KALRN: variants seen among roughly 807,000 people sequenced by gnomAD.
KALRN encodes the protein kalirin RhoGEF kinase.
KALRN carries 70 observed loss-of-function variants against 353.7 expected under a neutral mutation model. The ratio of observed to expected loss-of-function variants is 0.20; its 90% confidence interval spans 0.16 to 0.24. The LOEUF is 0.24. KALRN is among the 10% of genes least tolerant of loss of function. The pLI is 1.00. For missense variants in KALRN, 2,791 were observed against 3,756.7 expected (o/e 0.74, Z 6.72); for synonymous variants, 1,391 against 1,434.8 (o/e 0.97, Z 0.69).
At chr3:124,377,017 G>T (rs1418409898) in intron 10 of KALRN, among the ~76,000 whole-genome samples, 1 of 152,152 alleles carries the variant, frequency 6.6e-6, no homozygotes, top group Non-Finnish European at 1.5e-5. Context: ...TAATAAAGAA[G>T]CAGAAGAGCT....
chr3:124,141,744 G>A (rs1337912276), intron 1 of KALRN, among the ~76,000 whole-genome samples: 1 of 152,216 alleles, frequency 6.6e-6, no homozygotes, highest in Non-Finnish European at 1.5e-5. Context: ...GTCACAGCCT[G>A]TCTTTGCCCC....
intron 5 of KALRN, among the ~76,000 whole-genome samples, chr3:124,284,592 T>C (rs2075654090): frequency 6.6e-6 from 1 of 152,160 alleles, no homozygotes; most frequent in Non-Finnish European, 1.5e-5. Flanking sequence ...TTTATTAACA[T>C]TAACAGAATA....
In KALRN at chr3:124,720,619, C is replaced by A. The variant is rs995191602; in HGVS notation, c.*1149C>A. 2.0e-5 allele frequency: 3 copies of A among 152,620 alleles called. No individual in the cohort carries two copies. Among genetic ancestry groups the A allele is most frequent in the Non-Finnish European group, 4.4e-5 (3 of 68,038 alleles). 9.5% of individuals were successfully genotyped at this position (152,620 alleles called of 1,614,324 possible). A position where few individuals can be genotyped will look rare whatever the true frequency, so the allele number is the denominator to read the frequency against. On this transcript the variant is annotated 3_prime_UTR_variant, in exon 60 of 60. Transcript: ENST00000682506. ...CCATGGAACAAAACCTGATACATCA[C>A]CCTAACAGAGCATTAAGTTGTAACT...
intron 11 of KALRN, among the ~76,000 whole-genome samples, chr3:124,392,266 G>T (rs1362822953): frequency 6.6e-6 from 1 of 152,088 alleles, no homozygotes; most frequent in Non-Finnish European, 1.5e-5. Flanking sequence ...GTCTTACCAT[G>T]TTGTCTAAGC....
At chr3:124,584,012 A>T (rs1663663963) in intron 34 of KALRN, among the ~76,000 whole-genome samples, 1 of 152,110 alleles carries the variant, frequency 6.6e-6, no homozygotes, top group Non-Finnish European at 1.5e-5. Context: ...ATTAAAGAAA[A>T]TTTTTTAAAG....
intron 57 of KALRN, among the ~76,000 whole-genome samples, chr3:124,709,749 CAG>C (rs1298825861): frequency 1.3e-5 from 2 of 152,118 alleles, no homozygotes; most frequent in Non-Finnish European, 2.9e-5. Flanking sequence ...ACAAATAAAA[CAG>C]AGAAGAAGGA....
chr3:124,309,168 AG>A, intron 6 of KALRN, among the ~76,000 whole-genome samples: 1 of 152,258 alleles, frequency 6.6e-6, no homozygotes, highest in African/African-American at 2.4e-5. Context: ...ATATTCTCAA[AG>A]AAAAGCCCAG....
intron 33 of KALRN, among the ~76,000 whole-genome samples, chr3:124,556,973 A>G (rs1397954766): frequency 1.3e-5 from 2 of 152,228 alleles, no homozygotes. Context: ...TATTTAAGCT[A>G]TTACAAAGCT....
intron 20 of KALRN, 37 bp downstream of exon 20, chr3:124,446,313 G>A (rs1216517997): frequency 6.7e-7 from 1 of 1,489,868 alleles, no homozygotes; most frequent in East Asian, 2.3e-5. Flanking sequence ...TCTCAGTTCT[G>A]GGGAGCATAC....
chr3:124,214,469 C>T (rs2077148181), intron 1 of KALRN, among the ~76,000 whole-genome samples: 1 of 152,170 alleles, frequency 6.6e-6, no homozygotes, highest in South Asian at 2.1e-4. Flanking sequence ...TTCACATGCA[C>T]ATTTATCCAT....
chr3:124,092,779 A>G (rs1280000590), intron 1 of KALRN, among the ~76,000 whole-genome samples: 1 of 152,240 alleles, frequency 6.6e-6, no homozygotes, highest in Non-Finnish European at 1.5e-5. Context: ...TGTATACTGG[A>G]GAAAGTGATT....
chr3:124,641,554 A>G (rs2082040820), intron 37 of KALRN, among the ~76,000 whole-genome samples: 1 of 152,154 alleles, frequency 6.6e-6, no homozygotes, highest in South Asian at 2.1e-4. Context: ...TACTTAGTCT[A>G]CTTGGGGTTC....
Position 124,083,891 on chromosome 3 carries a change from C to T in KALRN, c.73+50078C>T, listed in dbSNP as rs1206071001. On this transcript the variant is annotated intron_variant, in intron 1 of 59. Coordinates refer to ENST00000682506, the MANE Select transcript of KALRN (RefSeq NM_001388419.1). ...GTTGACTCTGTCTTTGTCAGGCAGA[C>T]GATGAGATTCCTTGCCTCAGTGGAT... is the stretch of plus-strand genomic sequence containing the variant. 2.6e-5 allele frequency among the ~76,000 whole-genome samples: 4 copies of T among 152,192 alleles called. 1 individual carries two copies. Among genetic ancestry groups the T allele is most frequent in the East Asian group, 1.9e-4 (1 of 5,194 alleles).
chr3:124,593,751 A>G (rs572224438), intron 34 of KALRN, among the ~76,000 whole-genome samples: 3 of 152,284 alleles, frequency 2.0e-5, no homozygotes, highest in Non-Finnish European at 2.9e-5. Flanking sequence ...GGAATTATCT[A>G]TGTCTTCCAC....
chr3:124,286,082 C>CTTTCCTT (rs1553893894), intron 5 of KALRN, among the ~76,000 whole-genome samples: 1 of 102,156 alleles, frequency 9.8e-6, no homozygotes, highest in African/African-American at 3.8e-5. Flanking sequence ...TTCTTTCCTT[C>CTTTCCTT]CTTTCTTTCT....
intron 33 of KALRN, among the ~76,000 whole-genome samples, chr3:124,547,151 T>C (rs1197185719): frequency 6.6e-6 from 1 of 151,870 alleles, no homozygotes; most frequent in Non-Finnish European, 1.5e-5. Context: ...TTTATTTTAA[T>C]TTATTTTAAA....
intron 3 of KALRN, among the ~76,000 whole-genome samples, chr3:124,241,920 G>C (rs1579913835): frequency 6.6e-6 from 1 of 152,192 alleles, no homozygotes; most frequent in South Asian, 2.1e-4. Context: ...AGGAACACTG[G>C]GGGTGGGCAA....
chr3:124,449,794 A>T (rs902624964), intron 21 of KALRN, among the ~76,000 whole-genome samples: 1 of 152,218 alleles, frequency 6.6e-6, no homozygotes, highest in African/African-American at 2.4e-5. Context: ...GGAATCATAC[A>T]ATATGAGATC....
intron 3 of KALRN, among the ~76,000 whole-genome samples, chr3:124,238,080 A>G (rs1014581192): frequency 6.6e-6 from 1 of 152,214 alleles, no homozygotes; most frequent in African/African-American, 2.4e-5. Context: ...GGACCACTGC[A>G]TTCAACTCTG....
Sources: gnomAD v4.1 joint callset for allele counts (sites outside exome capture counted in the v4.1 genomes callset) on GRCh38, gnomAD v4.1.1 for gene constraint, MANE v1.5 for transcripts, NCBI Gene and HGNC (gene_info 2026-07-23, HGNC 2026-07-21) for gene names.